UBP1: variants seen among roughly 807,000 people sequenced by gnomAD.
UBP1 encodes upstream binding protein 1.
A neutral mutation model predicts 76.1 loss-of-function variants in UBP1; 22 were observed. The observed-to-expected ratio is 0.29, with a 90% CI of 0.21 to 0.41. UBP1 has a LOEUF of 0.41. UBP1 is among the 10% of genes least tolerant of loss of function. The pLI, the probability that UBP1 is intolerant of heterozygous loss-of-function variation, is 1.00. For synonymous variants in UBP1, 224 were observed against 237.1 expected (o/e 0.94, Z 0.51); for missense variants, 436 against 668.1 (o/e 0.65, Z 3.83).
In UBP1 at chr3:33,390,244, C is replaced by G. The variant is rs146810352; in HGVS notation, c.*87G>C. ...TATGAAACATTTCATATGGTAAAAT[C>G]CAATCCCAAGACTTCTTGGATTCAG... On this transcript the variant is annotated 3_prime_UTR_variant, in exon 16 of 16. Coordinates refer to ENST00000283629, the MANE Select transcript of UBP1 (RefSeq NM_014517.5). The G allele has an allele frequency of 7.4e-7, 1 of 1,355,246 alleles. No individual in the cohort carries two copies. Among genetic ancestry groups the G allele is most frequent in the East Asian group, 2.3e-5 (1 of 43,048 alleles). The allele number at this position is 1,355,246 out of a possible 1,614,324, so 84.0% of individuals were successfully genotyped here.
chr3:33,408,321 A>G (rs1172407152), intron 8 of UBP1, among the ~76,000 whole-genome samples: 1 of 152,166 alleles, frequency 6.6e-6, no homozygotes, highest in African/African-American at 2.4e-5. Flanking sequence ...AATAATAGCT[A>G]ATTTACTAAA....
At chr3:33,404,807 G>A (rs901809854) in intron 8 of UBP1, among the ~76,000 whole-genome samples, 3 of 151,954 alleles carry the variant, frequency 2.0e-5, no homozygotes, top group African/African-American at 2.4e-5. Context: ...AATGTCCCTG[G>A]GATTTTTGAC....
chr3:33,425,447 T>C, intron 2 of UBP1, 143 bp downstream of exon 2: 1 of 905,530 alleles, frequency 1.1e-6, no homozygotes, highest in Non-Finnish European at 1.5e-6. Context: ...ACAGTAAAAT[T>C]CCTACAATTT....
At chr3:33,397,871 C>T (rs1318378363) in intron 11 of UBP1, 2 of 152,028 alleles carry the variant, frequency 1.3e-5, no homozygotes, top group East Asian at 3.9e-4. Context: ...CCTTCGCTTA[C>T]CATACAAGAA....
In UBP1 at chr3:33,425,750, CA is replaced by C; in HGVS notation, c.114-10del. 1 of 1,565,836 alleles carries C rather than the reference CA, an allele frequency of 6.4e-7. No homozygotes were observed. Among genetic ancestry groups the C allele is most frequent in the South Asian group, 1.2e-5 (1 of 86,802 alleles). ...GCAATGCCAAGACATCACTGAAAAG[CA>C]AAAAATCAACACTGACCTTACTTTG... is the stretch of plus-strand genomic sequence containing the variant. On this transcript the variant is annotated splice_polypyrimidine_tract_variant and intron_variant, in intron 1 of 15. Transcript: ENST00000283629.
Position 33,390,222 on chromosome 3 carries a change from G to C in UBP1, c.*109C>G. On this transcript the variant is annotated 3_prime_UTR_variant, in exon 16 of 16. Transcript: ENST00000283629. ...AAAGGTCATCTTGTGTTTTCAATAT[G>C]AAACATTTCATATGGTAAAATCCAA... 1 of 1,142,180 alleles carries C rather than the reference G, an allele frequency of 8.8e-7. No homozygotes were observed. Among genetic ancestry groups the C allele is most frequent in the Middle Eastern group, 2.1e-4 (1 of 4,760 alleles). 70.8% of individuals were successfully genotyped at this position (1,142,180 alleles called of 1,614,324 possible).
At chr3:33,419,583 G>A (rs1199782789) in intron 2 of UBP1, among the ~76,000 whole-genome samples, 2 of 148,684 alleles carry the variant, frequency 1.3e-5, no homozygotes, top group Non-Finnish European at 3.0e-5. Context: ...AGCCGAGATC[G>A]CGCCATTGCA....
chr3:33,411,282 A>T (rs1049445470), intron 5 of UBP1, among the ~76,000 whole-genome samples: 6 of 152,182 alleles, frequency 3.9e-5, no homozygotes, highest in Non-Finnish European at 8.8e-5. Context: ...TATCCTTTTA[A>T]ATAGCAGCTT....
chr3:33,431,299 A>T (rs532762000), intron 1 of UBP1, among the ~76,000 whole-genome samples: 1 of 152,330 alleles, frequency 6.6e-6, no homozygotes, highest in South Asian at 2.1e-4. Context: ...ATAGGGGCAA[A>T]AACTGAAGAC....
At chr3:33,407,699 T>C (rs1188164967) in intron 8 of UBP1, among the ~76,000 whole-genome samples, 1 of 152,320 alleles carries the variant, frequency 6.6e-6, no homozygotes, top group Non-Finnish European at 1.5e-5. Context: ...TGATAGTGCT[T>C]GTGACAGTAA....
At position 33,429,176 on chromosome 3, in the gene UBP1, A is replaced by G. The variant is rs1364065917; in HGVS notation, c.114-3435T>C. Among the ~76,000 whole-genome samples, 4 of 152,350 alleles carry G rather than the reference A, an allele frequency of 2.6e-5. No homozygotes were observed. The East Asian group carries it at 7.7e-4, about 29-fold the overall frequency. Reference sequence around the variant, plus strand: ...GCTAAATCAATGAACTGATTGCTGCATTAATAATCAACCAATTAGTATTAA... The same window carrying G: ...GCTAAATCAATGAACTGATTGCTGCGTTAATAATCAACCAATTAGTATTAA... On this transcript the variant is annotated intron_variant, in intron 1 of 15. Coordinates refer to ENST00000283629, the MANE Select transcript of UBP1 (RefSeq NM_014517.5).
intron 8 of UBP1, among the ~76,000 whole-genome samples, chr3:33,403,834 G>A (rs1030393024): frequency 1.3e-5 from 2 of 152,170 alleles, no homozygotes; most frequent in African/African-American, 2.4e-5. Context: ...CACTTTACAG[G>A]TATTCTTTCT....
chr3:33,393,540 T>C, intron 13 of UBP1, 86 bp from the exon 14 acceptor site: 1 of 1,317,450 alleles, frequency 7.6e-7, no homozygotes, highest in Non-Finnish European at 1.0e-6. Flanking sequence ...TGTACGAAGG[T>C]CACACCTTTC....
chr3:33,434,368 G>C (rs562059120), intron 1 of UBP1, among the ~76,000 whole-genome samples: 14 of 141,928 alleles, frequency 9.9e-5, no homozygotes, highest in African/African-American at 3.4e-4. Flanking sequence ...GAGCAATCTC[G>C]GCTCACTGTA....
intron 15 of UBP1, 197 bp downstream of exon 15, chr3:33,392,366 T>C (rs2043803475): frequency 1.4e-5 from 7 of 482,990 alleles, no homozygotes; most frequent in Non-Finnish European, 2.5e-5. Flanking sequence ...TTTTTTCCAG[T>C]CATCTAGAAA....
chr3:33,408,784 G>A lies in UBP1; in HGVS notation c.833C>T (p.Pro278Leu). 1 of 1,613,632 alleles carries A rather than the reference G, an allele frequency of 6.2e-7. No individual in the cohort carries two copies. Among genetic ancestry groups the A allele is most frequent in the Non-Finnish European group, 8.5e-7 (1 of 1,179,826 alleles). The change falls in exon 8 of 16, where the codon CCT becomes CTT. Residue 278 changes from proline to leucine, a missense_variant. Transcript: ENST00000283629. ...ATGTTCAACTGCATCTTCAATTATA[G>A]GCTCAAGCCTCATCTGGACAAACAC... ...TTILTEMRLE[P>L]IIEDAVEHEQ...
intron 8 of UBP1, among the ~76,000 whole-genome samples, chr3:33,407,257 C>CTTGAG (rs150928445): frequency 0.014 from 2,116 of 152,286 alleles, 21 homozygotes; most frequent in South Asian, 0.026. Context: ...ATACTTTAGA[C>CTTGAG]TTAAGAATCA....
intron 13 of UBP1, among the ~76,000 whole-genome samples, chr3:33,394,672 A>C (rs1161722576): frequency 6.6e-6 from 1 of 152,156 alleles, no homozygotes; most frequent in Non-Finnish European, 1.5e-5. Flanking sequence ...TGCTTCCCCA[A>C]ACAAGGGGTC....
At chr3:33,435,392 A>G (rs2045188950) in intron 1 of UBP1, among the ~76,000 whole-genome samples, 1 of 152,252 alleles carries the variant, frequency 6.6e-6, no homozygotes, top group Non-Finnish European at 1.5e-5. Context: ...TAAAGTCCCA[A>G]TCAACCCATT....
Sources: gnomAD v4.1 joint callset for allele counts (sites outside exome capture counted in the v4.1 genomes callset) on GRCh38, gnomAD v4.1.1 for gene constraint, MANE v1.5 for transcripts, NCBI Gene and HGNC (gene_info 2026-07-23, HGNC 2026-07-21) for gene names.